The following XKR6 variants were observed in gnomAD, a reference collection of about 807,000 sequenced individuals.
XKR6 encodes the protein XK related 6, also known as XK-related protein 6.
In XKR6, 22 loss-of-function variants were observed where a neutral mutation model predicts 56.7. The observed-to-expected ratio is 0.39, with a 90% confidence interval of 0.28 to 0.55. The LOEUF (loss-of-function observed/expected upper bound fraction) is 0.55, where lower values mean the gene tolerates loss of function less well. Ranked by LOEUF, XKR6 falls within the 20% of genes least tolerant of loss-of-function variation. The pLI is 0.66. For synonymous variants in XKR6, 524 were observed against 387.8 expected (o/e 1.35, Z -4.13); for missense variants, 852 against 889.0 (o/e 0.96, Z 0.53).
At chr8:11,103,081 G>A (rs1188131768) in intron 1 of XKR6, among the ~76,000 whole-genome samples, 1 of 152,136 alleles carries the variant, frequency 6.6e-6, no homozygotes, top group Non-Finnish European at 1.5e-5. Context: ...AGTGTAAGAT[G>A]GAGTTTTAGA....
intron 1 of XKR6, among the ~76,000 whole-genome samples, chr8:11,095,182 C>T (rs1798227515): frequency 6.6e-6 from 1 of 152,182 alleles, no homozygotes; most frequent in African/African-American, 2.4e-5. Context: ...CAAGTTTGTG[C>T]AAATACGTAA....
At chr8:11,100,836 T>A (rs779408448) in intron 1 of XKR6, among the ~76,000 whole-genome samples, 2 of 152,246 alleles carry the variant, frequency 1.3e-5, no homozygotes, top group African/African-American at 2.4e-5. Flanking sequence ...TACAAAAGCT[T>A]TTGTTGGCGT....
At chr8:10,918,294 A>T (rs1800618167) in intron 2 of XKR6, among the ~76,000 whole-genome samples, 1 of 152,216 alleles carries the variant, frequency 6.6e-6, no homozygotes, top group African/African-American at 2.4e-5. Context: ...GAGTGCTTGG[A>T]AGAGGCTCAC....
At chr8:10,901,636 G>A (rs915270892) in intron 2 of XKR6, among the ~76,000 whole-genome samples, 2 of 152,290 alleles carry the variant, frequency 1.3e-5, no homozygotes, top group African/African-American at 4.8e-5. Flanking sequence ...GTAATCAGAT[G>A]GGAGTTCTAT....
At chr8:10,997,563 G>C (rs982249050) in intron 1 of XKR6, among the ~76,000 whole-genome samples, 4 of 152,204 alleles carry the variant, frequency 2.6e-5, no homozygotes, top group Non-Finnish European at 5.9e-5. Flanking sequence ...TTACAAATGA[G>C]ATGAGGGTTA....
intron 1 of XKR6, among the ~76,000 whole-genome samples, chr8:11,176,151 C>G (rs1802642595): frequency 6.6e-6 from 1 of 152,134 alleles, no homozygotes; most frequent in Non-Finnish European, 1.5e-5. Flanking sequence ...CTTTAAAACA[C>G]CTTTACAAAT....
intron 1 of XKR6, among the ~76,000 whole-genome samples, chr8:10,983,542 G>C (rs1176981121): frequency 6.6e-6 from 1 of 152,142 alleles, no homozygotes; most frequent in Non-Finnish European, 1.5e-5. Context: ...CACACTGAAA[G>C]AACTTGGCCC....
chr8:11,177,148 C>T (rs897476458), intron 1 of XKR6, among the ~76,000 whole-genome samples: 1 of 152,144 alleles, frequency 6.6e-6, no homozygotes, highest in East Asian at 1.9e-4. Flanking sequence ...TGATGGAAAA[C>T]GAGGGCACAC....
At chr8:11,129,893 C>T (rs1262802376) in intron 1 of XKR6, among the ~76,000 whole-genome samples, 1 of 152,064 alleles carries the variant, frequency 6.6e-6, no homozygotes, top group African/African-American at 2.4e-5. Flanking sequence ...AAACCAATCT[C>T]AGCTGCTTGA....
chr8:11,052,638 C>G (rs1367740607), intron 1 of XKR6, among the ~76,000 whole-genome samples: 1 of 152,092 alleles, frequency 6.6e-6, no homozygotes, highest in Non-Finnish European at 1.5e-5. Context: ...CCAGTTCTCT[C>G]TCCCCCTGGT....
chr8:11,160,559 G>C (rs1038262980), intron 1 of XKR6, among the ~76,000 whole-genome samples: 1 of 152,144 alleles, frequency 6.6e-6, no homozygotes, highest in African/African-American at 2.4e-5. Context: ...CAGATAAAGC[G>C]AGGAAAGGCA....
Position 11,139,796 on chromosome 8 carries a change from C to A in XKR6, c.764+60780G>T, listed in dbSNP as rs138010962. On this transcript the variant is annotated intron_variant, in intron 1 of 2. Coordinates refer to ENST00000416569, the MANE Select transcript of XKR6 (RefSeq NM_173683.4). ...CATGAGTTGAGGAAAACTAGCGTCA[C>A]ATACAAACAAGCACCGAAAGCACTG... is the stretch of plus-strand genomic sequence containing the variant. Among the ~76,000 whole-genome samples, 98 of 152,304 alleles carry A rather than the reference C, an allele frequency of 6.4e-4. No individual in the cohort carries two copies. The East Asian group carries it at 0.017, about 26-fold the overall frequency.
chr8:11,159,017 C>T (rs1586630964), intron 1 of XKR6, among the ~76,000 whole-genome samples: 1 of 152,214 alleles, frequency 6.6e-6, no homozygotes, highest in Admixed American at 6.5e-5. Flanking sequence ...GGTTCTGAAA[C>T]CTGGTTCTAC....
chr8:10,929,399 C>T (rs1196702712), intron 1 of XKR6, among the ~76,000 whole-genome samples: 1 of 152,246 alleles, frequency 6.6e-6, no homozygotes, highest in East Asian at 1.9e-4. Flanking sequence ...AAACATTCGC[C>T]TTGCTCTTCC....
intron 1 of XKR6, among the ~76,000 whole-genome samples, chr8:11,116,573 G>A (rs1445660300): frequency 1.3e-5 from 2 of 152,144 alleles, no homozygotes; most frequent in South Asian, 2.1e-4. Flanking sequence ...GTTTCTCCAT[G>A]TTGGCCAGGC....
chr8:11,199,705 C>T (rs1804092593), intron 1 of XKR6, among the ~76,000 whole-genome samples: 1 of 152,196 alleles, frequency 6.6e-6, no homozygotes, highest in African/African-American at 2.4e-5. Flanking sequence ...AGAAAGAACA[C>T]CTGCAAGTGG....
rs189592638 is a variant in XKR6, at chr8:11,018,625, A to G, written c.765-93795T>C. On this transcript the variant is annotated intron_variant, in intron 1 of 2. Coordinates refer to ENST00000416569, the MANE Select transcript of XKR6 (RefSeq NM_173683.4). The stretch of plus-strand genomic sequence containing the variant: ...TTTCCATTCTTCTAGGCCATCTTTG[A>G]GAATGCACTTGGGAGGGATGGATCC... Among the ~76,000 whole-genome samples the G allele has an allele frequency of 5.9e-5, 9 of 152,342 alleles. 1 individual carries two copies. The highest frequency in any genetic ancestry group is 2.2e-4 in the African/African-American group (9 of 41,580).
At position 11,190,404 on chromosome 8, in the gene XKR6, GT is replaced by G. The variant is rs199526322; in HGVS notation, c.764+10171del. 3.2e-3 allele frequency among the ~76,000 whole-genome samples: 480 copies of G among 152,320 alleles called. 10 individuals carry two copies. Among genetic ancestry groups the G allele is most frequent in the South Asian group, 0.022 (106 of 4,832 alleles). On this transcript the variant is annotated intron_variant, in intron 1 of 2. Coordinates refer to ENST00000416569, the MANE Select transcript of XKR6 (RefSeq NM_173683.4). Reference sequence around the variant, plus strand: ...TGAGTGCAGTATTTACATGGGACCTGTGGGGTATGCCAAACCTACATATTCC... The same window carrying G: ...TGAGTGCAGTATTTACATGGGACCTGGGGGTATGCCAAACCTACATATTCC...
intron 1 of XKR6, among the ~76,000 whole-genome samples, chr8:11,070,727 T>A (rs926303598): frequency 6.6e-6 from 1 of 152,226 alleles, no homozygotes; most frequent in Non-Finnish European, 1.5e-5. Context: ...TTGAACTTCA[T>A]AAAATCCTTA....
Sources: allele counts gnomAD v4.1 joint callset (sites outside exome capture counted in the v4.1 genomes callset), GRCh38; gene constraint gnomAD v4.1.1; transcripts MANE v1.5; gene names NCBI Gene and HGNC (gene_info 2026-07-23, HGNC 2026-07-21).